NFIL3: variants seen among roughly 807,000 people sequenced by gnomAD.
NFIL3 encodes the protein nuclear factor, interleukin 3 regulated, also known as nuclear factor interleukin-3-regulated protein.
In NFIL3, 5 loss-of-function variants were observed where a neutral mutation model predicts 10.0. That is an observed-to-expected ratio of 0.50 (90% CI 0.26 to 1.06). NFIL3 has a LOEUF of 1.06. NFIL3 is among the 50% of genes least tolerant of loss of function. The probability of loss-of-function intolerance (pLI) is 0.13; values close to 1 mark genes in which losing one functional copy is unlikely to be tolerated. For missense variants in NFIL3, 436 were observed against 547.6 expected, an observed-to-expected ratio of 0.80 and a Z score of 2.03; for synonymous variants, 202 against 206.5, an observed-to-expected ratio of 0.98 and a Z score of 0.19.
upstream of NFIL3, among the ~76,000 whole-genome samples, chr9:91,427,732 C>A (rs1325584052): frequency 6.6e-6 from 1 of 152,084 alleles, no homozygotes; most frequent in Admixed American, 6.6e-5. Flanking sequence ...CTTGACCCCC[C>A]CAGGCTCAAG....
chr9:91,433,249 A>G, the NFIL3 span, among the ~76,000 whole-genome samples: 15 of 152,360 alleles, frequency 9.8e-5, no homozygotes, highest in African/African-American at 3.4e-4. Flanking sequence ...AGAATGGCTA[A>G]AAGCACACAT....
At chr9:91,469,458 C>T in the NFIL3 span, among the ~76,000 whole-genome samples, 2 of 152,162 alleles carry the variant, frequency 1.3e-5, no homozygotes, top group African/African-American at 4.8e-5. Context: ...TCTAAATATA[C>T]AATCATGTCA....
intron 1 of NFIL3, among the ~76,000 whole-genome samples, chr9:91,418,686 T>A (rs1334306268): frequency 6.6e-6 from 1 of 152,204 alleles, no homozygotes; most frequent in Non-Finnish European, 1.5e-5. Context: ...AAAGACATCA[T>A]GTTCTGATAA....
chr9:91,415,441 G>A (rs749612303), intron 1 of NFIL3, among the ~76,000 whole-genome samples: 1 of 152,128 alleles, frequency 6.6e-6, no homozygotes, highest in Non-Finnish European at 1.5e-5. Context: ...ATGGCAGAGC[G>A]TACATTCAGG....
chr9:91,435,402 T>G, the NFIL3 span, among the ~76,000 whole-genome samples: 21 of 152,264 alleles, frequency 1.4e-4, no homozygotes, highest in Non-Finnish European at 2.4e-4. Context: ...TTTATCTTAA[T>G]TTGCATCCAG....
At chr9:91,439,491 C>T in the NFIL3 span, among the ~76,000 whole-genome samples, 3 of 148,928 alleles carry the variant, frequency 2.0e-5, no homozygotes, top group African/African-American at 7.4e-5. Context: ...TTTCTAATTG[C>T]CTTTTATTTC....
At chr9:91,431,575 G>GGTGT in the NFIL3 span, among the ~76,000 whole-genome samples, 2 of 152,274 alleles carry the variant, frequency 1.3e-5, no homozygotes, top group African/African-American at 4.8e-5. Context: ...TATTACAAAG[G>GGTGT]GTGTGTATTC....
At chr9:91,444,356 A>G in the NFIL3 span, among the ~76,000 whole-genome samples, 3 of 152,080 alleles carry the variant, frequency 2.0e-5, no homozygotes, top group East Asian at 5.8e-4. Flanking sequence ...TGAATTATCT[A>G]TCTGTATTCT....
the NFIL3 span, among the ~76,000 whole-genome samples, chr9:91,439,564 G>C: frequency 6.6e-6 from 1 of 152,102 alleles, no homozygotes; most frequent in African/African-American, 2.4e-5. Context: ...TAGAAGTGGA[G>C]AGTTGTCATC....
Position 91,410,614 on chromosome 9 carries a change from T to C in NFIL3, c.121A>G (p.Thr41Ala). The change falls in exon 2 of 2, where the codon ACA (threonine) becomes GCA (alanine). Residue 41 changes from threonine to alanine, a missense_variant. Thr to Ala is a moderately conservative substitution (Grantham distance 58). This residue lies in a region of NFIL3 where 76 missense variants were observed against 73.0 expected (regional missense o/e 1.04). Transcript: ENST00000297689. This position sits in a 1 kb window ranked among gnomAD's most constrained non-coding sequence, Gnocchi z 5.7. ...TCACTGAGAAGCAGCTCCTCACCTG[T>C]TGTGGAGTCTTCTGACACTTCCGTT... ...ALTEVSEDST[T>A]GEELLLSEGS... 1 of 1,614,244 alleles carries C rather than the reference T, an allele frequency of 6.2e-7. No individual in the cohort carries two copies.
At chr9:91,454,642 G>T in the NFIL3 span, among the ~76,000 whole-genome samples, 1 of 152,160 alleles carries the variant, frequency 6.6e-6, no homozygotes, top group Non-Finnish European at 1.5e-5. Context: ...GCCCAGCCTG[G>T]CCAACATGGT....
At chr9:91,455,110 A>AC in the NFIL3 span, among the ~76,000 whole-genome samples, 2 of 152,146 alleles carry the variant, frequency 1.3e-5, no homozygotes, top group African/African-American at 4.8e-5. Context: ...TATGAGGGTG[A>AC]TGTTCCCTTT....
At chr9:91,447,878 GC>G in the NFIL3 span, among the ~76,000 whole-genome samples, 41 of 152,166 alleles carry the variant, frequency 2.7e-4, no homozygotes, top group African/African-American at 9.2e-4. Context: ...TGTTAATTGT[GC>G]TTTTGGTGTA....
At chr9:91,444,410 T>C in the NFIL3 span, among the ~76,000 whole-genome samples, 1 of 152,344 alleles carries the variant, frequency 6.6e-6, no homozygotes, top group East Asian at 1.9e-4. Flanking sequence ...TTTTGAATTC[T>C]TTTTTAGGCA....
At chr9:91,412,939 G>T (rs1833582653) in intron 1 of NFIL3, among the ~76,000 whole-genome samples, 1 of 151,238 alleles carries the variant, frequency 6.6e-6, no homozygotes. Context: ...CTAATAAAAT[G>T]AAGTTTACTT....
chr9:91,471,349 T>G, the NFIL3 span, among the ~76,000 whole-genome samples: 3 of 152,036 alleles, frequency 2.0e-5, no homozygotes, highest in African/African-American at 4.8e-5. Flanking sequence ...GCTTTTTTTT[T>G]TTGTTTTCCA....
chr9:91,416,398 T>C (rs1833657982), intron 1 of NFIL3, among the ~76,000 whole-genome samples: 1 of 152,220 alleles, frequency 6.6e-6, no homozygotes, highest in Non-Finnish European at 1.5e-5. Context: ...TCAGGATTTA[T>C]GCTAACCTAA....
At chr9:91,461,649 T>C in the NFIL3 span, among the ~76,000 whole-genome samples, 1 of 152,198 alleles carries the variant, frequency 6.6e-6, no homozygotes, top group African/African-American at 2.4e-5. Context: ...CTCTCCAATC[T>C]CTGCCTCCAG....
At chr9:91,460,737 A>G in the NFIL3 span, among the ~76,000 whole-genome samples, 19 of 152,312 alleles carry the variant, frequency 1.2e-4, no homozygotes, top group South Asian at 1.7e-3. Context: ...GAGCCTAGCA[A>G]GCATACACCT....
Sources: allele counts gnomAD v4.1 joint callset (sites outside exome capture counted in the v4.1 genomes callset), GRCh38; gene constraint gnomAD v4.1.1; regional missense constraint gnomAD v4.1.1; non-coding constraint Gnocchi (gnomAD v3.1); transcripts MANE v1.5; gene names NCBI Gene and HGNC (gene_info 2026-07-23, HGNC 2026-07-21).